The following GPR158 variants were observed in gnomAD, a reference collection of about 807,000 sequenced individuals.
The protein encoded by GPR158 is metabotropic glycine receptor.
Under a neutral mutation model 78.2 loss-of-function variants are expected in GPR158, and 30 were observed. The ratio of observed to expected loss-of-function variants is 0.38; its 90% CI spans 0.29 to 0.52. GPR158 has a LOEUF of 0.52. GPR158 is among the 20% of genes least tolerant of loss of function. The probability of loss-of-function intolerance (pLI) is 0.83; values close to 1 mark genes in which losing one functional copy is unlikely to be tolerated. For synonymous variants in GPR158, 581 were observed against 591.1 expected (o/e 0.98, Z 0.25); for missense variants, 1,463 against 1,523.5 (o/e 0.96, Z 0.66).
chr10:25,241,276 C>CT (rs1259562466), intron 2 of GPR158, among the ~76,000 whole-genome samples: 834 of 71,782 alleles, frequency 0.012, 19 homozygotes, highest in African/African-American at 0.025. Flanking sequence ...TCTTTCCTTT[C>CT]TTTCTTTCTT....
chr10:25,376,300 G>A (rs547550169), intron 2 of GPR158, among the ~76,000 whole-genome samples: 106 of 151,492 alleles, frequency 7.0e-4, no homozygotes, highest in Non-Finnish European at 1.2e-3. Flanking sequence ...GCTTTTAGGC[G>A]TGTTTCTTTT....
intron 2 of GPR158, among the ~76,000 whole-genome samples, chr10:25,340,361 G>A (rs1855285571): frequency 6.6e-6 from 1 of 152,106 alleles, no homozygotes; most frequent in Non-Finnish European, 1.5e-5. Flanking sequence ...AGGCTCATGA[G>A]CAGGTGCATG....
intron 2 of GPR158, among the ~76,000 whole-genome samples, chr10:25,331,120 T>C (rs548022514): frequency 9.3e-4 from 142 of 152,142 alleles, no homozygotes; most frequent in Non-Finnish European, 1.7e-3. Context: ...TATATATTTT[T>C]GTAGAGACAG....
In GPR158 at chr10:25,219,351, T is replaced by G. The variant is rs148377309; in HGVS notation, c.903-1701T>G. ...ATATGCACATACCAGACGATAAAAA[T>G]TTGTTGAAAGAGGAAAGGCATGAAC... On this transcript the variant is annotated intron_variant, in intron 1 of 10. Transcript: ENST00000376351. 9.2e-5 allele frequency among the ~76,000 whole-genome samples: 14 copies of G among 152,324 alleles called. No individual in the cohort carries two copies. The East Asian group carries it at 2.7e-3, about 29-fold the overall frequency.
At chr10:25,297,157 A>G (rs1854527153) in intron 2 of GPR158, among the ~76,000 whole-genome samples, 1 of 152,210 alleles carries the variant, frequency 6.6e-6, no homozygotes, top group South Asian at 2.1e-4. Context: ...CCATATCAGA[A>G]GAACTCTTTA....
chr10:25,175,937 C>T lies in GPR158; in HGVS notation c.517C>T (p.Arg173Trp). 6.2e-7 allele frequency: 1 copy of T among 1,613,504 alleles called. No individual in the cohort carries two copies. The highest frequency in any genetic ancestry group is 8.5e-7 in the Non-Finnish European group (1 of 1,179,958). Residue 173 changes from arginine to tryptophan, a missense_variant, in exon 1 of 11, where the codon CGG becomes TGG. Arg to Trp is a moderately radical substitution (Grantham distance 101). Coordinates refer to ENST00000376351, the MANE Select transcript of GPR158 (RefSeq NM_020752.3). The surrounding 1 kb of genome is among the most constrained non-coding windows in gnomAD (Gnocchi z 6.4). ...SLLEGEPSIS[R>W]AAITFSTDSL... ...TCTGGAGGGCGAGCCCAGCATCTCC[C>T]GGGCGGCCATCACCTTCAGCACCGA...
intron 2 of GPR158, among the ~76,000 whole-genome samples, chr10:25,252,563 A>G (rs900937187): frequency 3.7e-4 from 55 of 150,224 alleles, no homozygotes; most frequent in African/African-American, 1.0e-3. Flanking sequence ...GTCTGTTGGA[A>G]TACCCTGCCG....
At chr10:25,302,236 T>C (rs1201194442) in intron 2 of GPR158, among the ~76,000 whole-genome samples, 1 of 74,842 alleles carries the variant, frequency 1.3e-5, no homozygotes, top group Non-Finnish European at 2.6e-5. Context: ...CATGCCTGGC[T>C]AATTTTTTTT....
In GPR158 at chr10:25,214,474, A is replaced by G. The variant is rs74371882; in HGVS notation, c.903-6578A>G. Among the ~76,000 whole-genome samples the G allele has an allele frequency of 5.4e-3, 817 of 152,180 alleles. 12 individuals carry two copies. The highest frequency in any genetic ancestry group is 0.019 in the African/African-American group (795 of 41,528). On this transcript the variant is annotated intron_variant, in intron 1 of 10. Transcript: ENST00000376351. ...ATACATCTTACATAACCATGGCAAA[A>G]TTATCAAAAGTAAGGAGCTAATATT...
intron 2 of GPR158, among the ~76,000 whole-genome samples, chr10:25,323,913 C>G (rs939793619): frequency 6.6e-6 from 1 of 152,180 alleles, no homozygotes; most frequent in African/African-American, 2.4e-5. Context: ...TAGTTGCTTT[C>G]CTTAAACCTC....
In GPR158 at chr10:25,175,290, C is replaced by T; in HGVS notation, c.-131C>T. 1.3e-5 allele frequency: 8 copies of T among 615,628 alleles called. No individual in the cohort carries two copies. Among genetic ancestry groups the T allele is most frequent in the Non-Finnish European group, 2.0e-5 (7 of 346,276 alleles). The allele number at this position is 615,628 out of a possible 1,614,324, so 38.1% of individuals were successfully genotyped here. A position where few individuals can be genotyped will look rare whatever the true frequency, so the allele number is the denominator to read the frequency against. Reference sequence around the variant, plus strand: ...CTCGAAACATTCTTATTTTCAAGTCCTTTGGACTGGGTGCCATCTGGAGAA... The same window carrying T: ...CTCGAAACATTCTTATTTTCAAGTCTTTTGGACTGGGTGCCATCTGGAGAA... On this transcript the variant is annotated 5_prime_UTR_variant, in exon 1 of 11. Coordinates refer to ENST00000376351, the MANE Select transcript of GPR158 (RefSeq NM_020752.3). The surrounding 1 kb of genome is among the most constrained non-coding windows in gnomAD (Gnocchi z 6.4).
intron 3 of GPR158, among the ~76,000 whole-genome samples, chr10:25,409,246 T>C (rs1262886509): frequency 8.5e-6 from 1 of 117,594 alleles, no homozygotes; most frequent in East Asian, 2.8e-4. Flanking sequence ...TTCTTTATTC[T>C]CTGTCTGTGA....
At chr10:25,222,846 C>G (rs1013441059) in intron 2 of GPR158, among the ~76,000 whole-genome samples, 2 of 152,168 alleles carry the variant, frequency 1.3e-5, no homozygotes, top group Admixed American at 6.5e-5. Context: ...AATAAGCAGT[C>G]TGCCTAGAAA....
intron 4 of GPR158, among the ~76,000 whole-genome samples, chr10:25,465,059 A>G (rs912251508): frequency 8.5e-5 from 13 of 152,182 alleles, no homozygotes; most frequent in African/African-American, 2.9e-4. Context: ...GGTTACACAA[A>G]GTATTTCTAT....
chr10:25,415,009 C>A (rs573654680), intron 4 of GPR158, among the ~76,000 whole-genome samples: 1 of 152,080 alleles, frequency 6.6e-6, no homozygotes, highest in African/African-American at 2.4e-5. Context: ...ATTCACACAC[C>A]ATATACAAAA....
chr10:25,522,579 T>C (rs866068130), intron 5 of GPR158, among the ~76,000 whole-genome samples: 14 of 152,320 alleles, frequency 9.2e-5, no homozygotes, highest in Middle Eastern at 3.4e-3. Context: ...ATTGCATTTA[T>C]GTAATTGAAT....
chr10:25,409,513 C>T (rs974836712), intron 3 of GPR158, among the ~76,000 whole-genome samples: 3 of 152,164 alleles, frequency 2.0e-5, no homozygotes, highest in Non-Finnish European at 2.9e-5. Context: ...GATTGGCTGC[C>T]ACATTTTTTC....
At chr10:25,541,309 TG>T (rs1374363876) in intron 5 of GPR158, among the ~76,000 whole-genome samples, 1 of 152,140 alleles carries the variant, frequency 6.6e-6, no homozygotes, top group African/African-American at 2.4e-5. Context: ...TTACATATTC[TG>T]GATAACAGCA....
intron 2 of GPR158, among the ~76,000 whole-genome samples, chr10:25,319,433 G>A (rs946980493): frequency 1.5e-4 from 23 of 152,060 alleles, no homozygotes; most frequent in African/African-American, 5.3e-4. Flanking sequence ...TACATAATGG[G>A]TATTCCATAG....
Sources: gnomAD v4.1 joint callset for allele counts (sites outside exome capture counted in the v4.1 genomes callset) on GRCh38, gnomAD v4.1.1 for gene constraint, Gnocchi (gnomAD v3.1) non-coding constraint, MANE v1.5 for transcripts, NCBI Gene and HGNC (gene_info 2026-07-23, HGNC 2026-07-21) for gene names.